PSMA1: variants seen among roughly 807,000 people sequenced by gnomAD.
The protein encoded by PSMA1 is proteasome 20S subunit alpha 1.
A neutral mutation model predicts 38.4 loss-of-function variants in PSMA1; 3 were observed. The observed-to-expected ratio is 0.08, with a 90% CI of 0.04 to 0.20. The LOEUF is 0.20. Ranked by LOEUF, PSMA1 falls within the 10% of genes least tolerant of loss-of-function variation. The pLI, the probability that PSMA1 is intolerant of heterozygous loss-of-function variation, is 1.00. For synonymous variants in PSMA1, 101 were observed against 107.1 expected (o/e 0.94, Z 0.35); for missense variants, 227 against 325.3 (o/e 0.70, Z 2.32).
chr11:14,562,612 G>A (rs1852022322), intron 2 of PSMA1, among the ~76,000 whole-genome samples: 1 of 151,688 alleles, frequency 6.6e-6, no homozygotes, highest in Non-Finnish European at 1.5e-5. Context: ...GAATAAATAT[G>A]CTTCTATTCA....
At chr11:14,536,956 T>G (rs1214042166) in intron 2 of PSMA1, among the ~76,000 whole-genome samples, 2 of 152,352 alleles carry the variant, frequency 1.3e-5, no homozygotes, top group East Asian at 3.9e-4. Context: ...TCAGAATTTC[T>G]TTTCCTTTAG....
At chr11:14,585,680 CCT>C (rs932170183) in intron 2 of PSMA1, among the ~76,000 whole-genome samples, 20 of 152,134 alleles carry the variant, frequency 1.3e-4, no homozygotes, top group Non-Finnish European at 2.5e-4. Context: ...GAAATTTGCC[CCT>C]CTTTTATTCG....
chr11:14,637,378 ACT>A (rs1487234831), intron 1 of PSMA1, among the ~76,000 whole-genome samples: 9 of 152,106 alleles, frequency 5.9e-5, no homozygotes, highest in Non-Finnish European at 1.3e-4. Context: ...CCTGGTAAGA[ACT>A]CTGTTAGAGC....
intron 2 of PSMA1, among the ~76,000 whole-genome samples, chr11:14,607,878 G>A (rs1411037998): frequency 6.6e-6 from 1 of 152,186 alleles, no homozygotes; most frequent in African/African-American, 2.4e-5. Context: ...ATTGGTAGAA[G>A]CAGCTAGCAG....
intron 1 of PSMA1, among the ~76,000 whole-genome samples, chr11:14,622,064 AG>A (rs1852853030): frequency 1.3e-5 from 2 of 152,232 alleles, no homozygotes; most frequent in African/African-American, 2.4e-5. Context: ...AATACCTGCT[AG>A]GTCCTAGATG....
chr11:14,510,001 G>T (rs953897722), intron 8 of PSMA1, among the ~76,000 whole-genome samples: 2 of 152,168 alleles, frequency 1.3e-5, no homozygotes, highest in African/African-American at 4.8e-5. Context: ...GGGATTACAG[G>T]CGTGAGCCAC....
At chr11:14,579,803 C>A (rs1036973738) in intron 2 of PSMA1, among the ~76,000 whole-genome samples, 2 of 152,160 alleles carry the variant, frequency 1.3e-5, no homozygotes, top group Non-Finnish European at 2.9e-5. Context: ...TGCAAAGGCA[C>A]ATGTACTTTG....
intron 2 of PSMA1, among the ~76,000 whole-genome samples, chr11:14,574,497 G>A (rs1852188716): frequency 6.6e-6 from 1 of 152,152 alleles, no homozygotes; most frequent in Non-Finnish European, 1.5e-5. Context: ...GAAGACGTAT[G>A]GTGATATGGT....
chr11:14,510,894 G>C lies in PSMA1; in HGVS notation c.602C>G (p.Ala201Gly). The change falls in exon 8 of 10, where the codon GCA (alanine) becomes GGA (glycine). Residue 201 changes from alanine to glycine, a missense_variant. By Grantham distance (60) the Ala-to-Gly change is moderately conservative (BLOSUM62 0). Coordinates refer to ENST00000396394, the MANE Select transcript of PSMA1 (RefSeq NM_002786.4). ...TACCTTTGTAGTCAGGTCCTGTTCT[G>C]CAGGAAGCGTCTCTCTTAAGGCACG... is the stretch of plus-strand genomic sequence containing the variant. ...GLRALRETLP[A>G]EQDLTTKNVS... is the part of the protein sequence containing the mutation. 6.2e-7 allele frequency: 1 copy of C among 1,607,782 alleles called. No homozygotes were observed. The highest frequency in any genetic ancestry group is 8.5e-7 in the Non-Finnish European group (1 of 1,176,674).
intron 1 of PSMA1, among the ~76,000 whole-genome samples, chr11:14,634,037 C>G (rs1214271858): frequency 6.6e-6 from 1 of 152,192 alleles, no homozygotes; most frequent in African/African-American, 2.4e-5. Flanking sequence ...CGCCCACTGT[C>G]TGGCACTCCC....
At chr11:14,643,019 C>T (rs917842867) in intron 1 of PSMA1, among the ~76,000 whole-genome samples, 1 of 151,868 alleles carries the variant, frequency 6.6e-6, no homozygotes, top group Non-Finnish European at 1.5e-5. Flanking sequence ...TGTGAACCGG[C>T]GGATATGTAT....
chr11:14,608,850 G>C (rs1349071275), intron 2 of PSMA1, among the ~76,000 whole-genome samples: 1 of 151,656 alleles, frequency 6.6e-6, no homozygotes, highest in Non-Finnish European at 1.5e-5. Context: ...AGATTCCCTT[G>C]CAAGTTAAGT....
chr11:14,630,689 T>G (rs1279948125), intron 1 of PSMA1, among the ~76,000 whole-genome samples: 1 of 151,838 alleles, frequency 6.6e-6, no homozygotes, highest in South Asian at 2.1e-4. Context: ...TAAAATGAGT[T>G]AGGGAGGATT....
At chr11:14,570,928 G>C (rs1852132014) in intron 2 of PSMA1, among the ~76,000 whole-genome samples, 1 of 152,112 alleles carries the variant, frequency 6.6e-6, no homozygotes, top group African/African-American at 2.4e-5. Flanking sequence ...TGAAATGAAG[G>C]AAAAAATGTT....
chr11:14,576,556 T>C (rs1852218934), intron 2 of PSMA1, among the ~76,000 whole-genome samples: 1 of 152,220 alleles, frequency 6.6e-6, no homozygotes, highest in Non-Finnish European at 1.5e-5. Flanking sequence ...CCATTTCTTG[T>C]TTTTGTCAGG....
intron 2 of PSMA1, among the ~76,000 whole-genome samples, chr11:14,579,140 G>C (rs1428798819): frequency 2.6e-5 from 4 of 152,182 alleles, no homozygotes; most frequent in Admixed American, 2.6e-4. Context: ...ACATTCTAGA[G>C]ATGCCATAAC....
intron 1 of PSMA1, among the ~76,000 whole-genome samples, chr11:14,635,141 G>A (rs189226717): frequency 1.3e-5 from 2 of 152,158 alleles, no homozygotes; most frequent in Admixed American, 6.5e-5. Flanking sequence ...GATGTAAACC[G>A]TTTCACCTGT....
At position 14,513,890 on chromosome 11, in the gene PSMA1, T is replaced by C. The variant is rs1177557625; in HGVS notation, c.344-3A>G. On this transcript the variant is annotated splice_region_variant and splice_polypyrimidine_tract_variant and intron_variant, in intron 5 of 9. Transcript: ENST00000396394. ...TCGTTGTGTTGGTATCTGGGTCTCTTAGACTGGTTAACGAGCTTGTTTTAA... is the reference window on the plus strand; with the variant it reads ...TCGTTGTGTTGGTATCTGGGTCTCTCAGACTGGTTAACGAGCTTGTTTTAA... The C allele has an allele frequency of 1.9e-6, 3 of 1,590,060 alleles. No individual in the cohort carries two copies. The highest frequency in any genetic ancestry group is 1.4e-5 in the African/African-American group (1 of 73,542).
chr11:14,642,110 T>C (rs1853214160), intron 1 of PSMA1, among the ~76,000 whole-genome samples: 1 of 151,182 alleles, frequency 6.6e-6, no homozygotes, highest in Admixed American at 6.6e-5. Context: ...TACACGCACA[T>C]GCACACACAC....
Sources: gnomAD v4.1 joint callset for allele counts (sites outside exome capture counted in the v4.1 genomes callset) on GRCh38, gnomAD v4.1.1 for gene constraint, MANE v1.5 for transcripts, NCBI Gene and HGNC (gene_info 2026-07-23, HGNC 2026-07-21) for gene names.